Variants in ARID1B observed in about 807,000 individuals in gnomAD.
ARID1B encodes AT-rich interaction domain 1B.
A neutral mutation model predicts 212.3 loss-of-function variants in ARID1B; 30 were observed. The observed-to-expected ratio is 0.14, with a 90% CI of 0.11 to 0.19. ARID1B has a LOEUF of 0.19. Among genes scored for constraint, ARID1B ranks in the 10% least tolerant of loss-of-function variants. The pLI is 1.00. For missense variants in ARID1B, 2,891 were observed against 3,204.0 expected (o/e 0.90, Z 2.36); for synonymous variants, 1,402 against 1,301.7 (o/e 1.08, Z -1.66).
chr6:156,843,088 C>T (rs142261871), intron 2 of ARID1B, among the ~76,000 whole-genome samples: 41 of 152,268 alleles, frequency 2.7e-4, no homozygotes, highest in Middle Eastern at 3.4e-3. Flanking sequence ...TGTTAGTACG[C>T]GGTAGCACCC....
At chr6:157,029,285 G>A (rs1780878232) in intron 4 of ARID1B, among the ~76,000 whole-genome samples, 1 of 152,180 alleles carries the variant, frequency 6.6e-6, no homozygotes, top group Non-Finnish European at 1.5e-5. Context: ...AGTTATATTA[G>A]GTAGAGCATA....
At chr6:157,170,164 C>T (rs138124270) in intron 9 of ARID1B, 2 of 152,316 alleles carry the variant, frequency 1.3e-5, no homozygotes, top group African/African-American at 4.8e-5. Context: ...TTCATGCATG[C>T]AAGCTCAAGT....
At chr6:156,806,852 G>A (rs1292948016) in intron 1 of ARID1B, among the ~76,000 whole-genome samples, 1 of 152,208 alleles carries the variant, frequency 6.6e-6, no homozygotes, top group Admixed American at 6.5e-5. Flanking sequence ...ACTCAGCTCC[G>A]CTGAGGCAGT....
intron 6 of ARID1B, among the ~76,000 whole-genome samples, chr6:157,128,574 T>A (rs1788313441): frequency 1.3e-5 from 2 of 152,130 alleles, no homozygotes; most frequent in South Asian, 4.1e-4. Context: ...CAGTATATGG[T>A]CTATGCCATT....
chr6:157,078,843 T>A lies in ARID1B; in HGVS notation c.2248-5819T>A, dbSNP rs528373149. Among the ~76,000 whole-genome samples, 6 of 152,348 alleles carry A rather than the reference T, an allele frequency of 3.9e-5. No individual in the cohort carries two copies. In the South Asian group the frequency reaches 1.2e-3, roughly 32 times the overall value. On this transcript the variant is annotated intron_variant, in intron 4 of 19. Coordinates refer to ENST00000636930, the MANE Select transcript of ARID1B (RefSeq NM_001374828.1). ...CAAATGTCCCCCTTAAAATGAGAGT[T>A]ACCCATAATGGAATCTTTGCCTGAG... is the stretch of plus-strand genomic sequence containing the variant.
chr6:156,982,100 A>T (rs1327281892), intron 4 of ARID1B, among the ~76,000 whole-genome samples: 2 of 151,058 alleles, frequency 1.3e-5, no homozygotes, highest in Non-Finnish European at 2.9e-5. Context: ...TACCATTTTG[A>T]CTGCGCACAT....
In ARID1B at chr6:156,777,902, C is replaced by T. The variant is rs995917111; in HGVS notation, c.222C>T (p.His74=). Reference sequence around the variant, plus strand: ...GCGGCCTGAACAGTGTGCACCACCACCCCCTGCTCCCCCGTCACGAACTCA... The same window carrying T: ...GCGGCCTGAACAGTGTGCACCACCATCCCCTGCTCCCCCGTCACGAACTCA... ...GGGGLNSVHH[H]PLLPRHELNM... Residue 74 remains histidine, a synonymous_variant, in exon 1 of 20, where the codon CAC becomes CAT. Coordinates refer to ENST00000636930, the MANE Select transcript of ARID1B (RefSeq NM_001374828.1). 2 of 1,505,590 alleles carry T rather than the reference C, an allele frequency of 1.3e-6. No individual in the cohort carries two copies. Among genetic ancestry groups the T allele is most frequent in the Non-Finnish European group, 1.8e-6 (2 of 1,135,146 alleles). The allele number at this position is 1,505,590 out of a possible 1,614,324, so 93.3% of individuals were successfully genotyped here. A position where few individuals can be genotyped will look rare whatever the true frequency, so the allele number is the denominator to read the frequency against.
Position 156,778,621 on chromosome 6 carries a change from A to C in ARID1B, c.941A>C (p.Asn314Thr), listed in dbSNP as rs1778874389. 2.4e-5 allele frequency: 32 copies of C among 1,342,488 alleles called. No individual in the cohort carries two copies. Among genetic ancestry groups the C allele is most frequent in the Non-Finnish European group, 3.1e-5 (32 of 1,038,216 alleles). 83.2% of individuals were successfully genotyped at this position (1,342,488 alleles called of 1,614,324 possible). The change falls in exon 1 of 20, where the codon AAT becomes ACT. Residue 314 changes from asparagine (N) to threonine (T), a missense_variant. Coordinates refer to ENST00000636930, the MANE Select transcript of ARID1B (RefSeq NM_001374828.1). ...GGGPAAVPEF[N>T]NYYGSAAPAS... ...GGCCCGGCGGCCGTCCCGGAGTTTA[A>C]TAATTACTATGGCAGCGCTGCCCCT...
intron 6 of ARID1B, among the ~76,000 whole-genome samples, chr6:157,130,032 G>C (rs6557530): frequency 0.058 from 8,795 of 152,194 alleles, 892 homozygotes; most frequent in African/African-American, 0.2. Context: ...AGCTGGGCAT[G>C]ATGGCATGCA....
intron 2 of ARID1B, among the ~76,000 whole-genome samples, chr6:156,876,997 C>T (rs1038473150): frequency 6.6e-6 from 1 of 152,104 alleles, no homozygotes; most frequent in Admixed American, 6.5e-5. Context: ...CAGGTTCAAG[C>T]GATTCTCCTG....
chr6:157,105,554 C>G (rs538108843), intron 5 of ARID1B, among the ~76,000 whole-genome samples: 1 of 152,268 alleles, frequency 6.6e-6, no homozygotes, highest in South Asian at 2.1e-4. Context: ...GCCCTAAAAT[C>G]TGAAAAAGTA....
At chr6:156,830,091 C>T (rs62435815) in intron 2 of ARID1B, among the ~76,000 whole-genome samples, 11,573 of 152,208 alleles carry the variant, frequency 0.076, 481 homozygotes, top group Middle Eastern at 0.12. Flanking sequence ...CATTTACCCT[C>T]TAGCAGTGGT....
At chr6:156,967,743 G>A (rs905515541) in intron 4 of ARID1B, among the ~76,000 whole-genome samples, 3 of 152,066 alleles carry the variant, frequency 2.0e-5, no homozygotes, top group Non-Finnish European at 4.4e-5. Context: ...TCTTATTAAT[G>A]AGGTCAAATT....
intron 4 of ARID1B, among the ~76,000 whole-genome samples, chr6:157,080,633 C>T (rs1165747315): frequency 6.6e-6 from 1 of 152,170 alleles, no homozygotes; most frequent in Non-Finnish European, 1.5e-5. Context: ...ATTCATGCTG[C>T]ATGTTAATTT....
At chr6:156,912,627 C>T (rs1789987511) in intron 3 of ARID1B, among the ~76,000 whole-genome samples, 1 of 152,216 alleles carries the variant, frequency 6.6e-6, no homozygotes, top group Non-Finnish European at 1.5e-5. Context: ...GCTAGTGAGG[C>T]TGCTTCCTGT....
At chr6:156,862,171 A>G (rs998903103) in intron 2 of ARID1B, among the ~76,000 whole-genome samples, 1 of 152,208 alleles carries the variant, frequency 6.6e-6, no homozygotes, top group African/African-American at 2.4e-5. Context: ...GTGAAGAGAG[A>G]CATTTGAGGT....
Position 156,934,574 on chromosome 6 carries a change from A to G in ARID1B, c.2137-892A>G, listed in dbSNP as rs570834022. 3.9e-5 allele frequency among the ~76,000 whole-genome samples: 6 copies of G among 152,210 alleles called. No homozygotes were observed. The South Asian group carries it at 1.2e-3, about 32-fold the overall frequency. On this transcript the variant is annotated intron_variant, in intron 3 of 19. Transcript: ENST00000636930. Reference sequence around the variant, plus strand: ...CCCATGAACATATGGAGTTCTATATATGCGTGTTTATTGGTTTTATAGAAA... The same window carrying G: ...CCCATGAACATATGGAGTTCTATATGTGCGTGTTTATTGGTTTTATAGAAA...
At chr6:156,898,108 G>A (rs1180898919) in intron 2 of ARID1B, among the ~76,000 whole-genome samples, 2 of 152,144 alleles carry the variant, frequency 1.3e-5, no homozygotes, top group African/African-American at 4.8e-5. Context: ...AGACTGGGGA[G>A]GGAGGGCCGC....
At chr6:157,013,122 G>A (rs561467542) in intron 4 of ARID1B, among the ~76,000 whole-genome samples, 6 of 152,242 alleles carry the variant, frequency 3.9e-5, no homozygotes, top group South Asian at 4.1e-4. Flanking sequence ...CAGGTGGTCC[G>A]CCCGCCTCGG....
Sources: gnomAD v4.1 joint callset for allele counts (sites outside exome capture counted in the v4.1 genomes callset) on GRCh38, gnomAD v4.1.1 for gene constraint, MANE v1.5 for transcripts, NCBI Gene and HGNC (gene_info 2026-07-23, HGNC 2026-07-21) for gene names.